The following SCGB2B2 variants were observed in gnomAD, a reference collection of about 807,000 sequenced individuals.
SCGB2B2 encodes the protein secretoglobin-like protein.
A neutral mutation model predicts 7.6 loss-of-function variants in SCGB2B2; 11 were observed. That is an observed-to-expected ratio of 1.45 (90% CI 0.91 to 2.40). The LOEUF is 2.40. Ranked by LOEUF, SCGB2B2 falls within the 30% of genes most tolerant of loss-of-function variation. The pLI, the probability that SCGB2B2 is intolerant of heterozygous loss-of-function variation, is 0.00. For synonymous variants in SCGB2B2, 50 were observed against 48.6 expected (o/e 1.03, Z -0.12); for missense variants, 104 against 115.4 (o/e 0.90, Z 0.45).
At chr19:34,657,838 A>G (rs2146112840) in intron 1 of SCGB2B2, among the ~76,000 whole-genome samples, 1 of 152,322 alleles carries the variant, frequency 6.6e-6, no homozygotes, top group African/African-American at 2.4e-5. Flanking sequence ...TTGACCACAT[A>G]ATTGGAAGCA....
intron 1 of SCGB2B2, among the ~76,000 whole-genome samples, chr19:34,616,136 C>T (rs1468384748): frequency 1.3e-5 from 2 of 149,288 alleles, no homozygotes; most frequent in Admixed American, 1.3e-4. Flanking sequence ...GTGAATAGTG[C>T]TGCAATAAAC....
chr19:34,667,725 A>T (rs1353874142), intron 1 of SCGB2B2, among the ~76,000 whole-genome samples: 1 of 149,852 alleles, frequency 6.7e-6, no homozygotes, highest in Non-Finnish European at 1.5e-5. Flanking sequence ...TTCTTTGTTC[A>T]AAACAGCAAG....
intron 1 of SCGB2B2, among the ~76,000 whole-genome samples, chr19:34,616,859 T>A (rs2066097326): frequency 6.6e-6 from 1 of 152,168 alleles, no homozygotes. Flanking sequence ...AATTAATTTT[T>A]GTATAAGGTG....
intron 1 of SCGB2B2, among the ~76,000 whole-genome samples, chr19:34,645,219 T>G (rs2066964151): frequency 2.0e-5 from 3 of 152,124 alleles, no homozygotes; most frequent in Admixed American, 1.3e-4. Context: ...CGGTGGCAGA[T>G]TCTGATCTAG....
intron 1 of SCGB2B2, among the ~76,000 whole-genome samples, chr19:34,597,258 A>T (rs560061886): frequency 1.2e-4 from 19 of 152,072 alleles, no homozygotes; most frequent in Non-Finnish European, 2.5e-4. Flanking sequence ...GGACTGCCCC[A>T]CAAGAGCCAC....
chr19:34,662,407 GA>G (rs1206940577), intron 1 of SCGB2B2, among the ~76,000 whole-genome samples: 3 of 151,830 alleles, frequency 2.0e-5, no homozygotes, highest in African/African-American at 7.3e-5. Context: ...TCTTTATGTA[GA>G]AGAATATCTT....
At chr19:34,601,353 T>C (rs377010028) in intron 1 of SCGB2B2, among the ~76,000 whole-genome samples, 8 of 152,360 alleles carry the variant, frequency 5.3e-5, no homozygotes, top group African/African-American at 1.9e-4. Context: ...TCCTAGAGTG[T>C]CTTTGCTGGT....
chr19:34,638,257 G>C (rs1201046537), intron 1 of SCGB2B2: 1 of 152,180 alleles, frequency 6.6e-6, no homozygotes, highest in African/African-American at 2.4e-5. Flanking sequence ...AGACCAGCCT[G>C]GCCAACATGG....
rs559170751 is a variant in SCGB2B2, at chr19:34,592,287, C to T, written c.*1268G>A. ...GCAGTGGAGCCTTGTCCTGGCCAGC[C>T]GTGTGTGCCCTGCTGAAGGTGGGTC... On this transcript the variant is annotated 3_prime_UTR_variant, in exon 4 of 4. Coordinates refer to ENST00000601241, the MANE Select transcript of SCGB2B2 (RefSeq NM_001025591.4). Among the ~76,000 whole-genome samples, 4 of 152,182 alleles carry T rather than the reference C, an allele frequency of 2.6e-5. No homozygotes were observed. Among genetic ancestry groups the T allele is most frequent in the East Asian group, 3.9e-4 (2 of 5,174 alleles).
chr19:34,589,725 C>T (rs2065255398), downstream of SCGB2B2, among the ~76,000 whole-genome samples: 1 of 152,070 alleles, frequency 6.6e-6, no homozygotes, highest in South Asian at 2.1e-4. Context: ...GACCAGATCC[C>T]AGGGCAGTGT....
chr19:34,609,767 C>A (rs568884157), intron 1 of SCGB2B2, among the ~76,000 whole-genome samples: 10 of 152,012 alleles, frequency 6.6e-5, no homozygotes, highest in Non-Finnish European at 1.3e-4. Context: ...ATGCCTCCAA[C>A]TTTTTTCATT....
At chr19:34,604,117 T>C (rs1273978582) in intron 1 of SCGB2B2, among the ~76,000 whole-genome samples, 1 of 152,190 alleles carries the variant, frequency 6.6e-6, no homozygotes, top group Non-Finnish European at 1.5e-5. Flanking sequence ...TGCCAGACAG[T>C]CTTTTACATG....
chr19:34,663,748 G>A (rs2067529423), intron 1 of SCGB2B2, among the ~76,000 whole-genome samples: 1 of 152,072 alleles, frequency 6.6e-6, no homozygotes, highest in Non-Finnish European at 1.5e-5. Flanking sequence ...AGAGGCCATG[G>A]GAGGAGGGAA....
intron 1 of SCGB2B2, among the ~76,000 whole-genome samples, chr19:34,669,145 G>A (rs1266916410): frequency 6.6e-6 from 1 of 152,046 alleles, no homozygotes; most frequent in Non-Finnish European, 1.5e-5. Flanking sequence ...CAGACGCGCC[G>A]CCTTAAGAAC....
At position 34,592,831 on chromosome 19, in the gene SCGB2B2, G is replaced by A. The variant is rs973986514; in HGVS notation, c.*724C>T. Among the ~76,000 whole-genome samples, 2 of 152,196 alleles carry A rather than the reference G, an allele frequency of 1.3e-5. No individual in the cohort carries two copies. Among genetic ancestry groups the A allele is most frequent in the African/African-American group, 4.8e-5 (2 of 41,428 alleles). Reference sequence around the variant, plus strand: ...CCAGCCCCAGGAGCAGAGCTGAGCTGCAGGTATTTATGGGGACGCTGAGGC... The same window carrying A: ...CCAGCCCCAGGAGCAGAGCTGAGCTACAGGTATTTATGGGGACGCTGAGGC... On this transcript the variant is annotated 3_prime_UTR_variant, in exon 4 of 4. Transcript: ENST00000601241.
At chr19:34,659,019 A>C (rs2067371541) in intron 1 of SCGB2B2, among the ~76,000 whole-genome samples, 1 of 152,184 alleles carries the variant, frequency 6.6e-6, no homozygotes, top group African/African-American at 2.4e-5. Flanking sequence ...CATCACATAA[A>C]CAGAACCAAT....
In SCGB2B2 at chr19:34,594,195, A is replaced by G. The variant is rs778551392; in HGVS notation, c.226T>C (p.Phe76Leu). 2.5e-6 allele frequency: 4 copies of G among 1,613,944 alleles called. No homozygotes were observed. Among genetic ancestry groups the G allele is most frequent in the Admixed American group, 3.3e-5 (2 of 59,992 alleles). ...CFANVSVTER[F>L]AHSVVIKKIL... ...CTCACAATAACAACTGAATGAGCAA[A>G]TCTTTCTGTCACGGAGACATTGGCA... The change falls in exon 3 of 4, where the codon TTT becomes CTT. Residue 76 changes from phenylalanine (F) to leucine (L), a missense_variant. Coordinates refer to ENST00000601241, the MANE Select transcript of SCGB2B2 (RefSeq NM_001025591.4).
At chr19:34,628,045 C>T (rs994963961) in intron 1 of SCGB2B2, among the ~76,000 whole-genome samples, 1 of 152,116 alleles carries the variant, frequency 6.6e-6, no homozygotes, top group African/African-American at 2.4e-5. Context: ...AAAATGAAGG[C>T]AGAAATAAAG....
intron 1 of SCGB2B2, among the ~76,000 whole-genome samples, chr19:34,633,644 G>A (rs1216529882): frequency 6.6e-6 from 1 of 151,882 alleles, no homozygotes; most frequent in Non-Finnish European, 1.5e-5. Context: ...ATTTTAAAGG[G>A]GGCTGAGATG....
Sources: allele counts gnomAD v4.1 joint callset (sites outside exome capture counted in the v4.1 genomes callset), GRCh38; gene constraint gnomAD v4.1.1; transcripts MANE v1.5; gene names NCBI Gene and HGNC (gene_info 2026-07-23, HGNC 2026-07-21).